SHLD1: variants seen among roughly 807,000 people sequenced by gnomAD.
The protein encoded by SHLD1 is shieldin complex subunit 1.
Under a neutral mutation model 5.5 loss-of-function variants are expected in SHLD1, and 3 were observed. That is an observed-to-expected ratio of 0.54 (90% CI 0.25 to 1.40). The LOEUF (loss-of-function observed/expected upper bound fraction) is 1.40. Among genes scored for constraint, SHLD1 ranks in the 40% most tolerant of loss-of-function variants. SHLD1 has a pLI of 0.15. For missense variants in SHLD1, 210 were observed against 244.4 expected (o/e 0.86, Z 0.94); for synonymous variants, 92 against 94.3 (o/e 0.98, Z 0.14).
At chr20:5,789,291 A>ACT in intron 2 of SHLD1, among the ~76,000 whole-genome samples, 1 of 150,994 alleles carries the variant, frequency 6.6e-6, no homozygotes, top group Non-Finnish European at 1.5e-5. Flanking sequence ...ATTAAAGGGT[A>ACT]ATTGGCCAGG....
chr20:5,805,078 A>C (rs1219539609), intron 2 of SHLD1, among the ~76,000 whole-genome samples: 1 of 152,164 alleles, frequency 6.6e-6, no homozygotes, highest in Non-Finnish European at 1.5e-5. Context: ...TTCATGCTCA[A>C]CTCTTGGTCT....
intron 2 of SHLD1, among the ~76,000 whole-genome samples, chr20:5,847,965 A>G (rs2087952051): frequency 1.3e-5 from 2 of 152,332 alleles, no homozygotes; most frequent in South Asian, 4.1e-4. Flanking sequence ...CTTATTTGTG[A>G]TAGTGAAAAT....
chr20:5,818,131 A>G (rs1384355044), intron 2 of SHLD1, among the ~76,000 whole-genome samples: 2 of 149,988 alleles, frequency 1.3e-5, no homozygotes, highest in African/African-American at 4.9e-5. Flanking sequence ...GTTGGAGTGC[A>G]GTAGCACTAT....
chr20:5,805,883 G>A (rs1381432040), intron 2 of SHLD1, among the ~76,000 whole-genome samples: 1 of 152,192 alleles, frequency 6.6e-6, no homozygotes, highest in African/African-American at 2.4e-5. Flanking sequence ...TCATAGACAT[G>A]AGCCACTGCG....
intron 2 of SHLD1, among the ~76,000 whole-genome samples, chr20:5,807,448 G>A (rs1328147530): frequency 6.7e-6 from 1 of 150,202 alleles, no homozygotes; most frequent in African/African-American, 2.5e-5. Flanking sequence ...ATATCTCACT[G>A]CAGCCTTGAA....
intron 2 of SHLD1, among the ~76,000 whole-genome samples, chr20:5,785,660 G>A (rs529794386): frequency 6.6e-6 from 1 of 152,080 alleles, no homozygotes; most frequent in South Asian, 2.1e-4. Context: ...GCTGGGCATG[G>A]TGGTACACGC....
intron 2 of SHLD1, among the ~76,000 whole-genome samples, chr20:5,776,624 G>A (rs1049987978): frequency 1.3e-5 from 2 of 151,938 alleles, no homozygotes; most frequent in African/African-American, 2.4e-5. Flanking sequence ...TTAGCCGGGC[G>A]TGGTGGCAGG....
chr20:5,812,813 G>A (rs1189217845), intron 2 of SHLD1, among the ~76,000 whole-genome samples: 1 of 152,074 alleles, frequency 6.6e-6, no homozygotes, highest in East Asian at 1.9e-4. Context: ...TCCTAGGGTC[G>A]GGGATACACA....
At chr20:5,785,796 CAAAAAA>C (rs34293571) in intron 2 of SHLD1, among the ~76,000 whole-genome samples, 8 of 82,354 alleles carry the variant, frequency 9.7e-5, no homozygotes, top group African/African-American at 4.0e-4. Flanking sequence ...ACTCCGTCTC[CAAAAAA>C]AAAAAAAAAA....
intron 2 of SHLD1, among the ~76,000 whole-genome samples, chr20:5,850,856 C>T (rs186902203): frequency 4.1e-4 from 62 of 152,292 alleles, no homozygotes; most frequent in Non-Finnish European, 7.8e-4. Flanking sequence ...TGCATTGCCT[C>T]CTGGAACTTG....
intron 2 of SHLD1, among the ~76,000 whole-genome samples, chr20:5,810,710 C>T (rs1254500345): frequency 6.6e-6 from 1 of 150,790 alleles, no homozygotes; most frequent in Non-Finnish European, 1.5e-5. Context: ...GACTGGCCAA[C>T]GTGGTGAAAC....
At chr20:5,860,805 G>A (rs542159215) in intron 2 of SHLD1, among the ~76,000 whole-genome samples, 1 of 143,444 alleles carries the variant, frequency 7.0e-6, no homozygotes, top group East Asian at 2.2e-4. Flanking sequence ...TCCAGTGATA[G>A]TGTTCTTGGG....
intron 1 of SHLD1, among the ~76,000 whole-genome samples, chr20:5,754,899 T>C (rs942978385): frequency 1.3e-5 from 2 of 151,842 alleles, no homozygotes; most frequent in South Asian, 2.1e-4. Flanking sequence ...CTACTAAAAA[T>C]ACAAAAATTA....
intron 1 of SHLD1, among the ~76,000 whole-genome samples, chr20:5,754,618 A>G (rs547122623): frequency 1.3e-5 from 2 of 152,306 alleles, no homozygotes; most frequent in East Asian, 1.9e-4. Context: ...CTTGTGCCCA[A>G]GGTAGTTAGA....
intron 2 of SHLD1, among the ~76,000 whole-genome samples, chr20:5,795,702 CCGG>C (rs2087202269): frequency 6.6e-6 from 1 of 151,780 alleles, no homozygotes; most frequent in South Asian, 2.1e-4. Context: ...CATCTATTGG[CCGG>C]GTGTGGTGGC....
chr20:5,837,482 C>G (rs910961254), intron 2 of SHLD1, among the ~76,000 whole-genome samples: 3 of 151,512 alleles, frequency 2.0e-5, no homozygotes, highest in African/African-American at 7.3e-5. Context: ...CCACCTCCAA[C>G]AGGCCCCGCT....
intron 1 of SHLD1, among the ~76,000 whole-genome samples, chr20:5,760,462 A>G: frequency 6.6e-6 from 1 of 151,908 alleles, no homozygotes. Flanking sequence ...GGAGGCTGAG[A>G]CGGGTGGATC....
chr20:5,784,492 C>G (rs2087029739), intron 2 of SHLD1, among the ~76,000 whole-genome samples: 1 of 151,870 alleles, frequency 6.6e-6, no homozygotes, highest in Non-Finnish European at 1.5e-5. Flanking sequence ...CCTCTGCTGT[C>G]CAGGCTGGAG....
At chr20:5,779,958 T>A (rs775032699) in intron 2 of SHLD1, among the ~76,000 whole-genome samples, 1 of 151,200 alleles carries the variant, frequency 6.6e-6, no homozygotes, top group Admixed American at 6.6e-5. Flanking sequence ...CTTGGCATAG[T>A]TTTTACAATT....
Sources: gnomAD v4.1 joint callset for allele counts (sites outside exome capture counted in the v4.1 genomes callset) on GRCh38, gnomAD v4.1.1 for gene constraint, MANE v1.5 for transcripts, NCBI Gene and HGNC (gene_info 2026-07-23, HGNC 2026-07-21) for gene names.